The following NAALADL1 variants were observed in gnomAD, a reference collection of about 807,000 sequenced individuals.
NAALADL1 encodes the protein N-acetylated alpha-linked acidic dipeptidase like 1.
A neutral mutation model predicts 82.8 loss-of-function variants in NAALADL1; 77 were observed. The ratio of observed to expected loss-of-function variants is 0.93; its 90% CI spans 0.77 to 1.12. The LOEUF is 1.12. Ranked by LOEUF, NAALADL1 falls within the 50% of genes most tolerant of loss-of-function variation. The pLI is 0.00. For missense variants in NAALADL1, 956 were observed against 964.0 expected (o/e 0.99, Z 0.11); for synonymous variants, 358 against 399.2 (o/e 0.90, Z 1.23).
intron 15 of NAALADL1, 24 bp downstream of exon 15, chr11:65,046,165 C>T: frequency 6.2e-7 from 1 of 1,614,098 alleles, no homozygotes; most frequent in Non-Finnish European, 8.5e-7. Context: ...GCTCCCCATA[C>T]CTCAGGGTCA....
rs201556646 is a variant in NAALADL1 at position 65,047,674 on chromosome 11, C to T, written c.1481G>A (p.Ser494Asn). Residue 494 changes from serine to asparagine, a missense_variant, in exon 12 of 18, where the codon AGC becomes AAC. Transcript: ENST00000358658. ...YDNWIRYFNRSSPVYGLVPSL... is the reference protein window; with the variant it reads ...YDNWIRYFNRNSPVYGLVPSL... Reference sequence around the variant, plus strand: ...GGGGACCAGGCCGTACACCGGGCTGCTGCGGTTGAAGTACCGGATCCAGTT... The same window carrying T: ...GGGGACCAGGCCGTACACCGGGCTGTTGCGGTTGAAGTACCGGATCCAGTT... The T allele has an allele frequency of 1.2e-6, 2 of 1,607,632 alleles. No individual in the cohort carries two copies. The highest frequency in any genetic ancestry group is 4.5e-5 in the East Asian group (2 of 44,630).
At position 65,058,259 on chromosome 11, in the gene NAALADL1, T is replaced by C; in HGVS notation, c.186-9A>G. Reference sequence around the variant, plus strand: ...GCTCCCTGGAGAGTTCTCTGCAGGGTGGGCAGAGGGAGGGGCAGGGCCAGC... The same window carrying C: ...GCTCCCTGGAGAGTTCTCTGCAGGGCGGGCAGAGGGAGGGGCAGGGCCAGC... On this transcript the variant is annotated splice_polypyrimidine_tract_variant and intron_variant, in intron 1 of 17. Coordinates refer to ENST00000358658, the MANE Select transcript of NAALADL1 (RefSeq NM_005468.3). 6.2e-7 allele frequency: 1 copy of C among 1,613,174 alleles called. No homozygotes were observed. Among genetic ancestry groups the C allele is most frequent in the South Asian group, 1.1e-5 (1 of 91,022 alleles).
Position 65,046,125 on chromosome 11 carries a change from C to T in NAALADL1, c.1856-11G>A, listed in dbSNP as rs572960401. On this transcript the variant is annotated splice_polypyrimidine_tract_variant and intron_variant, in intron 15 of 17. Coordinates refer to ENST00000358658, the MANE Select transcript of NAALADL1 (RefSeq NM_005468.3). ...CAGTCACCAGAGGCCCTGTGAGGAA[C>T]AAGCAGTGGCTCAGTCATGGGGGTG... is the stretch of plus-strand genomic sequence containing the variant. The T allele has an allele frequency of 3.7e-6, 6 of 1,614,146 alleles. No homozygotes were observed. The highest frequency in any genetic ancestry group is 5.1e-6 in the Non-Finnish European group (6 of 1,180,034).
chr11:65,051,750 T>C (rs528372596), intron 8 of NAALADL1, among the ~76,000 whole-genome samples: 1 of 152,264 alleles, frequency 6.6e-6, no homozygotes, highest in Admixed American at 6.5e-5. Flanking sequence ...AATGCCATGC[T>C]TAGCACTCTG....
At position 65,057,546 on chromosome 11, in the gene NAALADL1, G is replaced by T. The variant is rs200351169; in HGVS notation, c.481-53C>A. ...AGCTGGGCCCAGCGAAGTGTGGGTG[G>T]GGAAGGGGGGTGGAAGTTTGCATGG... On this transcript the variant is annotated intron_variant, in intron 3 of 17. Coordinates refer to ENST00000358658, the MANE Select transcript of NAALADL1 (RefSeq NM_005468.3). 7.8e-5 allele frequency: 122 copies of T among 1,573,016 alleles called. 1 individual carries two copies. Among genetic ancestry groups the T allele is most frequent in the Admixed American group, 1.7e-4 (9 of 53,338 alleles).
At chr11:65,045,972 T>C (rs1448718893) in intron 16 of NAALADL1, 55 bp downstream of exon 16, 1 of 1,611,446 alleles carries the variant, frequency 6.2e-7, no homozygotes. Context: ...GCTACCAGCC[T>C]GGTATCCTGC....
rs745964329 is a variant in NAALADL1, at chr11:65,053,561, G to T, written c.1008C>A (p.Ser336Arg). ...DFPADSQVNV[S>R]VYNRLELRNS... ...TCCTCAGCTCCAGGCGGTTGTAGAC[G>T]CTCACATTCACCTGGCTGGGGAGGG... Residue 336 changes from serine to arginine, a missense_variant, in exon 7 of 18, where the codon AGC becomes AGA. Ser to Arg is a moderately radical substitution (Grantham distance 110, BLOSUM62 -1). Coordinates refer to ENST00000358658, the MANE Select transcript of NAALADL1 (RefSeq NM_005468.3). This position sits in a 1 kb window ranked among gnomAD's most constrained non-coding sequence, Gnocchi z 4.3. The T allele has an allele frequency of 8.7e-6, 14 of 1,603,942 alleles. No individual in the cohort carries two copies. The highest frequency in any genetic ancestry group is 1.7e-6 in the Non-Finnish European group (2 of 1,173,872).
At position 65,045,292 on chromosome 11, in the gene NAALADL1, C is replaced by T; in HGVS notation, c.2202G>A (p.Leu734=). The change falls in exon 18 of 18, where the codon CTG becomes CTA. Residue 734 remains leucine, a synonymous_variant. Transcript: ENST00000358658. ...GGGGTCAGAGGTCAGCCACAGGCCT[C>T]AGGGTGGCTGCCGCACCCTCCAGGG... ...VTALEGAAAT[L]RPVADL 1 of 1,608,278 alleles carries T rather than the reference C, an allele frequency of 6.2e-7. No homozygotes were observed. The highest frequency in any genetic ancestry group is 8.5e-7 in the Non-Finnish European group (1 of 1,176,462).
Position 65,053,972 on chromosome 11 carries a change from G to A in NAALADL1, c.992+278C>T, listed in dbSNP as rs1477602685. Among the ~76,000 whole-genome samples the A allele has an allele frequency of 1.3e-5, 2 of 152,112 alleles. No homozygotes were observed. Among genetic ancestry groups the A allele is most frequent in the African/African-American group, 4.8e-5 (2 of 41,418 alleles). ...GGGAGTGGCAGGGGCCCTGATTTGGGAAGGAGCTTGGCATCTTCAAGAGAG... is the reference window on the plus strand; with the variant it reads ...GGGAGTGGCAGGGGCCCTGATTTGGAAAGGAGCTTGGCATCTTCAAGAGAG... On this transcript the variant is annotated intron_variant, in intron 6 of 17. Transcript: ENST00000358658. This position sits in a 1 kb window ranked among gnomAD's most constrained non-coding sequence, Gnocchi z 4.3.
In NAALADL1 at chr11:65,053,655, G is replaced by C; in HGVS notation, c.993-79C>G. ...CCCAGTGCAGGAGACACTGAGGCCC[G>C]GAGCTGGAAAGTGACGTGGCAAGGC... On this transcript the variant is annotated intron_variant, in intron 6 of 17. Coordinates refer to ENST00000358658, the MANE Select transcript of NAALADL1 (RefSeq NM_005468.3). This position sits in a 1 kb window ranked among gnomAD's most constrained non-coding sequence, Gnocchi z 4.3. 7.6e-7 allele frequency: 1 copy of C among 1,307,354 alleles called. No homozygotes were observed. The highest frequency in any genetic ancestry group is 1.0e-6 in the Non-Finnish European group (1 of 952,814). The allele number at this position is 1,307,354 out of a possible 1,614,324, so 81.0% of individuals were successfully genotyped here.
At position 65,058,464 on chromosome 11, in the gene NAALADL1, C is replaced by T. The variant is rs1313482048; in HGVS notation, c.58G>A (p.Gly20Arg). The change falls in exon 1 of 18, where the codon GGG becomes AGG. Residue 20 changes from glycine to arginine, a missense_variant. Physicochemically the swap from Gly to Arg is moderately radical, Grantham distance 125. Transcript: ENST00000358658. ...GLGAAALLGL[G>R]IILGHFAIPK... Reference sequence around the variant, plus strand: ...ATGGCAAAGTGGCCGAGGATGATCCCCAGCCCCAAGAGGGCAGCAGCCCCC... The same window carrying T: ...ATGGCAAAGTGGCCGAGGATGATCCTCAGCCCCAAGAGGGCAGCAGCCCCC... 6.2e-7 allele frequency: 1 copy of T among 1,613,256 alleles called. No homozygotes were observed. The highest frequency in any genetic ancestry group is 2.2e-5 in the East Asian group (1 of 44,860).
intron 1 of NAALADL1, 25 bp downstream of exon 1, chr11:65,058,312 A>G (rs748698475): frequency 5.6e-6 from 9 of 1,613,910 alleles, no homozygotes; most frequent in Non-Finnish European, 5.9e-6. Flanking sequence ...TGGCAAACGG[A>G]GGAGCAGATG....
chr11:65,053,183 G>A lies in NAALADL1; in HGVS notation c.1198+35C>T, dbSNP rs1057222584. 19 of 1,504,338 alleles carry A rather than the reference G, an allele frequency of 1.3e-5. No homozygotes were observed. The highest frequency in any genetic ancestry group is 5.6e-5 in the African/African-American group (4 of 71,632). 93.2% of individuals were successfully genotyped at this position (1,504,338 alleles called of 1,614,324 possible). A position where few individuals can be genotyped will look rare whatever the true frequency, so the allele number is the denominator to read the frequency against. ...GAACAGGAAGGGGACCTCCGGGGGC[G>A]AAGGTCCCTGGTCCAGGGGAGGGGG... On this transcript the variant is annotated intron_variant, in intron 8 of 17. Transcript: ENST00000358658. This position sits in a 1 kb window ranked among gnomAD's most constrained non-coding sequence, Gnocchi z 4.3.
In NAALADL1 at chr11:65,046,509, C is replaced by A. The variant is rs201425723; in HGVS notation, c.1617G>T (p.Arg539Ser). 3.3e-5 allele frequency: 53 copies of A among 1,613,976 alleles called. No homozygotes were observed. Among genetic ancestry groups the A allele is most frequent in the Non-Finnish European group, 4.2e-5 (49 of 1,180,028 alleles). ...AGGCTGTGTGGTAGGTGGGGTAGAT[C>A]CTGGCTGAAGTCTTGCTCTGGGGGA... The part of the protein sequence containing the change: ...YTYDRSKTSA[R>S]IYPTYHTAFD... The change falls in exon 14 of 18, where the codon AGG becomes AGT. Residue 539 changes from arginine (R) to serine (S), a missense_variant. Coordinates refer to ENST00000358658, the MANE Select transcript of NAALADL1 (RefSeq NM_005468.3).
rs1054312404 is a variant in NAALADL1, at chr11:65,051,336, T to C, written c.1198+1882A>G. ...CTTTCTTTTTTTTTTTTTTTTTTTT[T>C]TTTTTTTTTTTTTTTTTTGAGACAG... On this transcript the variant is annotated intron_variant, in intron 8 of 17. Transcript: ENST00000358658. 2.1e-4 allele frequency among the ~76,000 whole-genome samples: 25 copies of C among 120,930 alleles called. 2 individuals carry two copies. The highest frequency in any genetic ancestry group is 1.0e-3 in the Admixed American group (12 of 12,044). 79.3% of individuals were successfully genotyped at this position (120,930 alleles called of 152,430 possible). A position where few individuals can be genotyped will look rare whatever the true frequency, so the allele number is the denominator to read the frequency against.
chr11:65,049,979 G>A (rs950298886), intron 8 of NAALADL1, among the ~76,000 whole-genome samples: 8 of 151,024 alleles, frequency 5.3e-5, no homozygotes, highest in African/African-American at 1.7e-4. Context: ...AGGTTCAAGC[G>A]ATTCTCCTGC....
Position 65,046,219 on chromosome 11 carries a change from C to T in NAALADL1, c.1825G>A (p.Ala609Thr). ...CTGATGCTGTGCTGCTCCAGCAGGG[C>T]CCCAAGATCTTGCTGGGCTGCCTGC... Reference protein sequence around the residue: ...FLQAAQQDLGALLEQHSISLG... With the variant: ...FLQAAQQDLGTLLEQHSISLG... Residue 609 changes from alanine (A) to threonine (T), a missense_variant, in exon 15 of 18, where the codon GCC (alanine) becomes ACC (threonine). Physicochemically the swap from Ala to Thr is moderately conservative, Grantham distance 58. Coordinates refer to ENST00000358658, the MANE Select transcript of NAALADL1 (RefSeq NM_005468.3). 6.2e-7 allele frequency: 1 copy of T among 1,614,088 alleles called. No homozygotes were observed. The highest frequency in any genetic ancestry group is 2.2e-5 in the East Asian group (1 of 44,886).
Position 65,045,768 on chromosome 11 carries a change from G to C in NAALADL1, c.2036+54C>G, listed in dbSNP as rs777218029. On this transcript the variant is annotated intron_variant, in intron 17 of 17. Transcript: ENST00000358658. Reference sequence around the variant, plus strand: ...CTGACCACCTCGTCTCAGGTGGGGAGCCATTGTCCGGCCCCACCTGGAGGC... The same window carrying C: ...CTGACCACCTCGTCTCAGGTGGGGACCCATTGTCCGGCCCCACCTGGAGGC... 3.9e-6 allele frequency: 6 copies of C among 1,521,066 alleles called. No individual in the cohort carries two copies. The African/African-American group carries it at 6.9e-5, about 17-fold the overall frequency. The allele number at this position is 1,521,066 out of a possible 1,614,324, so 94.2% of individuals were successfully genotyped here.
Position 65,053,876 on chromosome 11 carries a change from G to GT in NAALADL1, c.993-301dup, listed in dbSNP as rs1946961038. Among the ~76,000 whole-genome samples, 1 of 152,206 alleles carries GT rather than the reference G, an allele frequency of 6.6e-6. No homozygotes were observed. The highest frequency in any genetic ancestry group is 2.4e-5 in the African/African-American group (1 of 41,458). ...AGACCAGGAGGACAGGAACAGCTGG[G>GT]TGAAGGGGCCTGGGAGGAGAGGGCA... On this transcript the variant is annotated intron_variant, in intron 6 of 17. Coordinates refer to ENST00000358658, the MANE Select transcript of NAALADL1 (RefSeq NM_005468.3). The surrounding 1 kb of genome is among the most constrained non-coding windows in gnomAD (Gnocchi z 4.3).
Sources: gnomAD v4.1 joint callset for allele counts (sites outside exome capture counted in the v4.1 genomes callset) on GRCh38, gnomAD v4.1.1 for gene constraint, Gnocchi (gnomAD v3.1) non-coding constraint, MANE v1.5 for transcripts, NCBI Gene and HGNC (gene_info 2026-07-23, HGNC 2026-07-21) for gene names.